ARHGAP44: variants seen among roughly 807,000 people sequenced by gnomAD.
ARHGAP44 encodes Rho GTPase activating protein 44.
A neutral mutation model predicts 106.8 loss-of-function variants in ARHGAP44; 43 were observed. The ratio of observed to expected loss-of-function variants is 0.40; its 90% CI spans 0.32 to 0.52. The LOEUF (loss-of-function observed/expected upper bound fraction) is 0.52, where lower values mean the gene tolerates loss of function less well. Among genes scored for constraint, ARHGAP44 ranks in the 20% least tolerant of loss-of-function variants. ARHGAP44 has a pLI of 0.48. For missense variants in ARHGAP44, 866 were observed against 1,050.5 expected, an observed-to-expected ratio of 0.82 and a Z score of 2.43; for synonymous variants, 439 against 410.3, an observed-to-expected ratio of 1.07 and a Z score of -0.85.
At chr17:12,955,793 CT>C (rs2039112085) in intron 13 of ARHGAP44, 73 bp from the exon 14 acceptor site, 1 of 852,996 alleles carries the variant, frequency 1.2e-6, no homozygotes, top group Non-Finnish European at 1.9e-6. Flanking sequence ...ATGAGAGAAG[CT>C]TCTGTCCAGT....
At chr17:12,893,136 TTC>T (rs1266291148) in intron 1 of ARHGAP44, among the ~76,000 whole-genome samples, 1 of 152,144 alleles carries the variant, frequency 6.6e-6, no homozygotes, top group Non-Finnish European at 1.5e-5. Context: ...AGTGCTTTGT[TTC>T]TGATGAGCTG....
At chr17:12,978,260 T>C (rs1218103267) in intron 18 of ARHGAP44, among the ~76,000 whole-genome samples, 1 of 152,184 alleles carries the variant, frequency 6.6e-6, no homozygotes, top group Non-Finnish European at 1.5e-5. Context: ...ATATTTGGCA[T>C]TGATGCCCGG....
intron 1 of ARHGAP44, among the ~76,000 whole-genome samples, chr17:12,855,639 T>A (rs910437465): frequency 1.3e-5 from 2 of 152,186 alleles, no homozygotes; most frequent in Non-Finnish European, 2.9e-5. Flanking sequence ...ATTTATTGAA[T>A]AACCAATGGA....
intron 9 of ARHGAP44, 113 bp from the exon 10 acceptor site, chr17:12,943,956 G>A (rs1598094616): frequency 4.3e-6 from 6 of 1,379,356 alleles, no homozygotes; most frequent in Non-Finnish European, 5.8e-6. Context: ...GCTCAATTGG[G>A]CCTCCCTCTC....
At chr17:12,795,612 A>C (rs911948512) in intron 1 of ARHGAP44, among the ~76,000 whole-genome samples, 2 of 151,812 alleles carry the variant, frequency 1.3e-5, no homozygotes, top group African/African-American at 4.8e-5. Context: ...TATACTGGTA[A>C]TTTATGGTCA....
chr17:12,948,013 A>G (rs921992730), intron 10 of ARHGAP44, among the ~76,000 whole-genome samples: 1 of 152,318 alleles, frequency 6.6e-6, no homozygotes, highest in Non-Finnish European at 1.5e-5. Context: ...GCCATAAAAG[A>G]TTAAAGGAGT....
chr17:12,943,956 GCCTC>G, intron 9 of ARHGAP44, 109 bp from the exon 10 acceptor site: 2 of 1,379,356 alleles, frequency 1.4e-6, no homozygotes, highest in Non-Finnish European at 1.9e-6. Flanking sequence ...GCTCAATTGG[GCCTC>G]CCTCTCTTTG....
intron 16 of ARHGAP44, among the ~76,000 whole-genome samples, chr17:12,971,466 C>T (rs963575571): frequency 3.3e-5 from 5 of 152,130 alleles, no homozygotes; most frequent in African/African-American, 4.8e-5. Context: ...CTCACATGCC[C>T]GAAATCCTCA....
chr17:12,970,385 A>G (rs887567595), intron 16 of ARHGAP44, among the ~76,000 whole-genome samples: 5 of 145,934 alleles, frequency 3.4e-5, no homozygotes, highest in Admixed American at 6.8e-5. Context: ...AAAAAAAAAA[A>G]AAAGAAAAAG....
At chr17:12,968,311 C>CA (rs2039441081) in intron 16 of ARHGAP44, among the ~76,000 whole-genome samples, 1 of 152,192 alleles carries the variant, frequency 6.6e-6, no homozygotes, top group Admixed American at 6.5e-5. Context: ...GGCTTCGTGA[C>CA]AAAGCACGAA....
At chr17:12,857,150 C>G (rs999159810) in intron 1 of ARHGAP44, among the ~76,000 whole-genome samples, 4 of 152,214 alleles carry the variant, frequency 2.6e-5, no homozygotes, top group Admixed American at 6.5e-5. Context: ...CCACTTTCAT[C>G]TCCTTCTCCT....
intron 1 of ARHGAP44, among the ~76,000 whole-genome samples, chr17:12,880,255 A>G (rs1233803904): frequency 2.6e-5 from 4 of 152,160 alleles, no homozygotes; most frequent in African/African-American, 9.6e-5. Flanking sequence ...TGTTAAGAAG[A>G]AAGCTATGAA....
intron 1 of ARHGAP44, among the ~76,000 whole-genome samples, chr17:12,818,645 A>G (rs1023666400): frequency 2.0e-5 from 3 of 152,088 alleles, no homozygotes; most frequent in Non-Finnish European, 2.9e-5. Flanking sequence ...AGACACAGAA[A>G]CGTCTAAACG....
In ARHGAP44 at chr17:12,842,429, AAAAAG is replaced by A. The variant is rs1337890237; in HGVS notation, c.54-52507_54-52503del. 1.3e-3 allele frequency among the ~76,000 whole-genome samples: 175 copies of A among 138,286 alleles called. 1 individual carries two copies. Among genetic ancestry groups the A allele is most frequent in the African/African-American group, 5.5e-3 (165 of 30,204 alleles). The allele number at this position is 138,286 out of a possible 152,430, so 90.7% of individuals were successfully genotyped here. ...GAGACCATCTCAAAAAAAAAAAAAA[AAAAAG>A]AAAGAAAAAAGAAAAGAAAAGAAAA... On this transcript the variant is annotated intron_variant, in intron 1 of 20. Transcript: ENST00000379672.
At chr17:12,981,080 C>T (rs1235696271) in intron 19 of ARHGAP44, 4 of 152,146 alleles carry the variant, frequency 2.6e-5, no homozygotes, top group Non-Finnish European at 4.4e-5. Context: ...GGATCTTATT[C>T]GATCCCTACT....
intron 16 of ARHGAP44, among the ~76,000 whole-genome samples, chr17:12,971,464 C>T (rs1598141872): frequency 6.6e-6 from 1 of 152,156 alleles, no homozygotes; most frequent in East Asian, 1.9e-4. Flanking sequence ...ATCTCACATG[C>T]CCGAAATCCT....
intron 6 of ARHGAP44, among the ~76,000 whole-genome samples, chr17:12,926,400 A>G (rs890186059): frequency 2.1e-5 from 3 of 145,410 alleles, no homozygotes; most frequent in African/African-American, 7.5e-5. Flanking sequence ...TATAATATAT[A>G]TTGTATATAT....
intron 1 of ARHGAP44, among the ~76,000 whole-genome samples, chr17:12,878,489 G>A (rs189336696): frequency 1.3e-4 from 20 of 152,146 alleles, no homozygotes; most frequent in Admixed American, 1.2e-3. Flanking sequence ...TCTACACAGC[G>A]CCTGTCATCC....
intron 4 of ARHGAP44, among the ~76,000 whole-genome samples, chr17:12,911,253 A>G (rs2150943303): frequency 6.6e-6 from 1 of 152,298 alleles, no homozygotes; most frequent in Admixed American, 6.5e-5. Flanking sequence ...TAACGTTGGA[A>G]ATAAAGATGA....
Sources: gnomAD v4.1 joint callset for allele counts (sites outside exome capture counted in the v4.1 genomes callset) on GRCh38, gnomAD v4.1.1 for gene constraint, MANE v1.5 for transcripts, NCBI Gene and HGNC (gene_info 2026-07-23, HGNC 2026-07-21) for gene names.